ZWILCH: variants seen among roughly 807,000 people sequenced by gnomAD.
ZWILCH encodes zwilch kinetochore protein.
A neutral mutation model predicts 79.9 loss-of-function variants in ZWILCH; 74 were observed. The ratio of observed to expected loss-of-function variants is 0.93; its 90% CI spans 0.77 to 1.12. The LOEUF (loss-of-function observed/expected upper bound fraction) is 1.12, where lower values mean the gene tolerates loss of function less well. Ranked by LOEUF, ZWILCH falls within the 50% of genes most tolerant of loss-of-function variation. The probability of loss-of-function intolerance (pLI) is 0.00; values close to 1 mark genes in which losing one functional copy is unlikely to be tolerated. For synonymous variants in ZWILCH, 241 were observed against 228.2 expected, an observed-to-expected ratio of 1.06 and a Z score of -0.51; for missense variants, 694 against 687.5, an observed-to-expected ratio of 1.01 and a Z score of -0.11.
At chr15:66,533,714 ACACACACACACACGCG>A (rs1894923821) in intron 14 of ZWILCH, among the ~76,000 whole-genome samples, 1 of 83,908 alleles carries the variant, frequency 1.2e-5, no homozygotes, top group Admixed American at 1.2e-4. Context: ...AGCAAAAACT[ACACACACACACACGCG>A]CACACACACA....
Position 66,546,598 on chromosome 15 carries a change from G to A in ZWILCH, c.1695G>A (p.Ser565=), listed in dbSNP as rs375854813. 1.3e-4 allele frequency: 213 copies of A among 1,601,504 alleles called. 1 individual carries two copies. Among genetic ancestry groups the A allele is most frequent in the Non-Finnish European group, 1.7e-4 (195 of 1,174,208 alleles). Residue 565 remains serine, a synonymous_variant, in exon 18 of 19, where the codon TCG becomes TCA. Coordinates refer to ENST00000307897, the MANE Select transcript of ZWILCH (RefSeq NM_017975.5). The part of the protein sequence containing the change: ...DHLNFHKPDF[S]ELTLNGSLEE... ...CTCTCTTTTTGATTACAGATTTTTCGGAATTAACACTAAACGGTAGCCTGG... is the reference window on the plus strand; with the variant it reads ...CTCTCTTTTTGATTACAGATTTTTCAGAATTAACACTAAACGGTAGCCTGG...
intron 17 of ZWILCH, among the ~76,000 whole-genome samples, chr15:66,543,989 A>G (rs1437994984): frequency 6.6e-6 from 1 of 152,132 alleles, no homozygotes; most frequent in East Asian, 1.9e-4. Context: ...AAGAAAACAT[A>G]TGGCTCACGC....
chr15:66,539,727 AT>A (rs745701254), intron 16 of ZWILCH, among the ~76,000 whole-genome samples: 9 of 152,024 alleles, frequency 5.9e-5, no homozygotes, highest in Non-Finnish European at 8.8e-5. Flanking sequence ...CATACTCAAC[AT>A]TTCATTCCTT....
intron 1 of ZWILCH, among the ~76,000 whole-genome samples, chr15:66,506,943 G>A (rs911496305): frequency 9.3e-5 from 14 of 149,752 alleles, no homozygotes; most frequent in Admixed American, 2.0e-4. Context: ...TGCAACCTCT[G>A]CCTCCCGGGC....
intron 13 of ZWILCH, 55 bp downstream of exon 13, chr15:66,532,458 C>CAGATATTCT: frequency 6.7e-7 from 1 of 1,481,876 alleles, no homozygotes; most frequent in South Asian, 1.3e-5. Flanking sequence ...TTATCAGTCA[C>CAGATATTCT]AGATATTCTC....
Position 66,537,200 on chromosome 15 carries a change from T to G in ZWILCH, c.1511T>G (p.Leu504Arg). The stretch of plus-strand genomic sequence containing the variant: ...ATAAAGTATTACAAACAAAATCCTC[T>G]TGATGAGCAACACATTTTTCAGCTG... ...ICIKYYKQNP[L>R]DEQHIFQLPV... is the part of the protein sequence containing the mutation. Residue 504 changes from leucine to arginine, a missense_variant, in exon 16 of 19, where the codon CTT (leucine) becomes CGT (arginine). Leu to Arg is a moderately radical substitution (Grantham distance 102). Transcript: ENST00000307897. 6.2e-7 allele frequency: 1 copy of G among 1,613,636 alleles called. No individual in the cohort carries two copies. Among genetic ancestry groups the G allele is most frequent in the East Asian group, 2.2e-5 (1 of 44,884 alleles).
chr15:66,531,615 G>A (rs1168260481), intron 12 of ZWILCH, among the ~76,000 whole-genome samples: 1 of 151,750 alleles, frequency 6.6e-6, no homozygotes, highest in Non-Finnish European at 1.5e-5. Flanking sequence ...TTGCTACCAC[G>A]GCCAGTTTAT....
intron 4 of ZWILCH, among the ~76,000 whole-genome samples, chr15:66,517,428 G>GTGTGTGTGTA (rs1479759555): frequency 4.4e-5 from 1 of 22,488 alleles, no homozygotes; most frequent in African/African-American, 4.5e-4. Context: ...GTGTGTGTGT[G>GTGTGTGTGTA]TGTATATATA....
intron 2 of ZWILCH, among the ~76,000 whole-genome samples, chr15:66,512,861 T>A (rs185061521): frequency 6.6e-6 from 1 of 152,356 alleles, no homozygotes; most frequent in Admixed American, 6.5e-5. Flanking sequence ...AGTGGCACAA[T>A]CTTGGCCCAC....
chr15:66,535,367 C>T (rs147840270), intron 14 of ZWILCH, among the ~76,000 whole-genome samples: 2 of 152,252 alleles, frequency 1.3e-5, no homozygotes, highest in East Asian at 3.9e-4. Flanking sequence ...TTTTTCAGTT[C>T]TATTGTGATC....
intron 10 of ZWILCH, among the ~76,000 whole-genome samples, chr15:66,528,228 C>T (rs1346926155): frequency 2.0e-5 from 3 of 152,176 alleles, no homozygotes; most frequent in Non-Finnish European, 4.4e-5. Context: ...CTCAGGTCCC[C>T]GAGTAGCTGG....
In ZWILCH at chr15:66,527,332, G is replaced by C. The variant is rs753376082; in HGVS notation, c.862G>C (p.Glu288Gln). 4 of 1,614,046 alleles carry C rather than the reference G, an allele frequency of 2.5e-6. No individual in the cohort carries two copies. Among genetic ancestry groups the C allele is most frequent in the Non-Finnish European group, 8.5e-7 (1 of 1,179,976 alleles). Residue 288 changes from glutamate to glutamine, a missense_variant, in exon 9 of 19, where the codon GAG (glutamate) becomes CAG (glutamine). By Grantham distance (29) the Glu-to-Gln change is conservative. Transcript: ENST00000307897. ...GLRTGVTEWLEPLEAKSAVEL... is the reference protein window; with the variant it reads ...GLRTGVTEWLQPLEAKSAVEL... ...GAGGACTGGTGTCACTGAATGGCTC[G>C]AGCCCCTGGAAGCAAAATCTGCTGT...
intron 16 of ZWILCH, among the ~76,000 whole-genome samples, chr15:66,538,760 G>A (rs754297874): frequency 2.6e-5 from 4 of 152,188 alleles, no homozygotes; most frequent in African/African-American, 7.2e-5. Flanking sequence ...TTTCTGTGAC[G>A]TAGCATCTGT....
chr15:66,509,162 G>A (rs112937859), intron 2 of ZWILCH, among the ~76,000 whole-genome samples: 4 of 151,976 alleles, frequency 2.6e-5, no homozygotes, highest in Non-Finnish European at 4.4e-5. Flanking sequence ...GGATGGTCTC[G>A]ATCTCCTGAC....
At chr15:66,505,423 C>G in intron 1 of ZWILCH, 32 bp downstream of exon 1, 1 of 1,612,618 alleles carries the variant, frequency 6.2e-7, no homozygotes, top group Non-Finnish European at 8.5e-7. Context: ...GGCTGGGGTC[C>G]TGGGACAGCA....
chr15:66,538,749 T>C (rs1304390151), intron 16 of ZWILCH, among the ~76,000 whole-genome samples: 1 of 152,176 alleles, frequency 6.6e-6, no homozygotes, highest in Non-Finnish European at 1.5e-5. Context: ...TATCTCCTTA[T>C]TTTCTGTGAC....
chr15:66,532,336 TC>T lies in ZWILCH; in HGVS notation c.1247del (p.Pro416GlnfsTer13), dbSNP rs1894879925. 6.2e-7 allele frequency: 1 copy of T among 1,612,786 alleles called. No individual in the cohort carries two copies. Among genetic ancestry groups the T allele is most frequent in the African/African-American group, 1.3e-5 (1 of 74,836 alleles). On this transcript the variant is annotated frameshift_variant, in exon 13 of 19. Coordinates refer to ENST00000307897, the MANE Select transcript of ZWILCH (RefSeq NM_017975.5). LOFTEE classifies it high-confidence loss of function. The part of the protein sequence containing the change: ...MDTVSLSGTI[P>X]VQMLLEIGLD... ...ACACAGTTTCTCTCAGTGGGACTAT[TC>T]CAGTTCAAATGCTTTTGGAAATTGG...
At chr15:66,533,732 A>G (rs560254282) in intron 14 of ZWILCH, among the ~76,000 whole-genome samples, 162 of 147,300 alleles carry the variant, frequency 1.1e-3, no homozygotes, top group African/African-American at 3.6e-3. Context: ...ACACACGCGC[A>G]CACACACACA....
At chr15:66,546,983 G>T (rs748954202) in intron 18 of ZWILCH, 2 of 159,802 alleles carry the variant, frequency 1.3e-5, no homozygotes, top group African/African-American at 4.8e-5. Context: ...ATCTGTATAT[G>T]TAGTAGAAAG....
Sources: gnomAD v4.1 joint callset for allele counts (sites outside exome capture counted in the v4.1 genomes callset) on GRCh38, gnomAD v4.1.1 for gene constraint, MANE v1.5 for transcripts, NCBI Gene and HGNC (gene_info 2026-07-23, HGNC 2026-07-21) for gene names.